Variants in CIAO2B observed in about 807,000 individuals in gnomAD.
CIAO2B encodes the protein cytosolic iron-sulfur assembly component 2B, also known as MSS19-interacting protein of 18 kDa.
Under a neutral mutation model 16.4 loss-of-function variants are expected in CIAO2B, and 20 were observed. The ratio of observed to expected loss-of-function variants is 1.22; its 90% CI spans 0.86 to 1.77. The LOEUF (loss-of-function observed/expected upper bound fraction) is 1.77. Among genes scored for constraint, CIAO2B ranks in the 40% most tolerant of loss-of-function variants. CIAO2B has a pLI of 0.00. For missense variants in CIAO2B, 215 were observed against 222.4 expected (o/e 0.97, Z 0.21); for synonymous variants, 106 against 90.4 (o/e 1.17, Z -0.98).
intron 2 of CIAO2B, 112 bp from the exon 3 acceptor site, chr16:66,933,851 C>G: frequency 6.5e-7 from 1 of 1,537,072 alleles, no homozygotes; most frequent in Non-Finnish European, 8.8e-7. Context: ...AGTTTCAACA[C>G]CCATAAAATA....
chr16:66,934,350 G>A lies in CIAO2B; in HGVS notation c.15C>T (p.Gly5=), dbSNP rs950590013. 2.6e-6 allele frequency: 4 copies of A among 1,565,550 alleles called. No homozygotes were observed. The highest frequency in any genetic ancestry group is 2.3e-5 in the East Asian group (1 of 43,110). ...TCTCCAGGAGGCCGCCGCCGACCCC[G>A]CCGCCGCCTACCATCGCGGAACCAC... MVGG[G]GVGGGLLENA... Residue 5 remains glycine, a synonymous_variant, in exon 1 of 5, where the codon GGC becomes GGT. Coordinates refer to ENST00000422424, the MANE Select transcript of CIAO2B (RefSeq NM_016062.4). This position sits in a 1 kb window ranked among gnomAD's most constrained non-coding sequence, Gnocchi z 4.1.
rs554566674 is a variant in CIAO2B at position 66,934,177 on chromosome 16, C to T, written c.142+46G>A. ...AGCTGCTCGATATCACTGCTCCCCCCACCGCAAGCCCCCGGAACCCGCCCG... is the reference window on the plus strand; with the variant it reads ...AGCTGCTCGATATCACTGCTCCCCCTACCGCAAGCCCCCGGAACCCGCCCG... On this transcript the variant is annotated intron_variant, in intron 1 of 4. Transcript: ENST00000422424. The surrounding 1 kb of genome is among the most constrained non-coding windows in gnomAD (Gnocchi z 4.1). 1.2e-6 allele frequency: 2 copies of T among 1,608,950 alleles called. No homozygotes were observed. The highest frequency in any genetic ancestry group is 4.5e-5 in the East Asian group (2 of 44,818).
intron 4 of CIAO2B, 110 bp downstream of exon 4, chr16:66,932,670 C>T (rs1963079250): frequency 3.0e-6 from 4 of 1,322,316 alleles, no homozygotes. Context: ...CAATTTCACT[C>T]ACACAGTTAC....
At position 66,934,176 on chromosome 16, in the gene CIAO2B, C is replaced by A. The variant is rs200532434; in HGVS notation, c.142+47G>T. On this transcript the variant is annotated intron_variant, in intron 1 of 4. Transcript: ENST00000422424. The surrounding 1 kb of genome is among the most constrained non-coding windows in gnomAD (Gnocchi z 4.1). Reference sequence around the variant, plus strand: ...CAGCTGCTCGATATCACTGCTCCCCCCACCGCAAGCCCCCGGAACCCGCCC... The same window carrying A: ...CAGCTGCTCGATATCACTGCTCCCCACACCGCAAGCCCCCGGAACCCGCCC... 1.9e-5 allele frequency: 31 copies of A among 1,608,868 alleles called. No homozygotes were observed. Among genetic ancestry groups the A allele is most frequent in the Non-Finnish European group, 2.4e-5 (28 of 1,177,822 alleles).
At chr16:66,932,656 C>G in intron 4 of CIAO2B, 124 bp downstream of exon 4, 1 of 1,182,134 alleles carries the variant, frequency 8.5e-7, no homozygotes, top group Non-Finnish European at 1.2e-6. Context: ...TGAGGAGTCT[C>G]TGGCAATTTC....
rs1963129739 is a variant in CIAO2B, at chr16:66,934,094, C to A, written c.143-28G>T. 1 of 1,612,584 alleles carries A rather than the reference C, an allele frequency of 6.2e-7. No homozygotes were observed. The highest frequency in any genetic ancestry group is 2.2e-5 in the East Asian group (1 of 44,868). ...GGGAAGTGAAGGAAAAGGGACTCTG[C>A]GCCCTTGCCCACTTAGAACCCTCTG... On this transcript the variant is annotated intron_variant, in intron 1 of 4. Transcript: ENST00000422424. This position sits in a 1 kb window ranked among gnomAD's most constrained non-coding sequence, Gnocchi z 4.1.
chr16:66,933,971 C>A lies in CIAO2B; in HGVS notation c.222+16G>T. The stretch of plus-strand genomic sequence containing the variant: ...TGACTCTCTGGAACAACTCGCTCCC[C>A]TCGGAAGTGACTCACCTGAACCCGC... On this transcript the variant is annotated intron_variant, in intron 2 of 4. Coordinates refer to ENST00000422424, the MANE Select transcript of CIAO2B (RefSeq NM_016062.4). 1 of 1,613,344 alleles carries A rather than the reference C, an allele frequency of 6.2e-7. No individual in the cohort carries two copies. The highest frequency in any genetic ancestry group is 1.1e-5 in the South Asian group (1 of 90,916).
chr16:66,933,329 GT>G, intron 3 of CIAO2B: 1 of 424,588 alleles, frequency 2.4e-6, no homozygotes, highest in Non-Finnish European at 4.3e-6. Flanking sequence ...GCCCACTACT[GT>G]TGATTTAAAG....
At position 66,934,142 on chromosome 16, in the gene CIAO2B, C is replaced by CGGCTCCACCA. The variant is rs1567544444; in HGVS notation, c.142+71_143-77dup. 3 of 1,610,214 alleles carry CGGCTCCACCA rather than the reference C, an allele frequency of 1.9e-6. No individual in the cohort carries two copies. In the African/African-American group the frequency reaches 4.0e-5, roughly 22 times the overall value. ...CTGCCAGGAACGCCCTGCTGGGATG[C>CGGCTCCACCA]GGCTCCACCAGCTGCTCGATATCAC... is the stretch of plus-strand genomic sequence containing the variant. On this transcript the variant is annotated intron_variant, in intron 1 of 4. Coordinates refer to ENST00000422424, the MANE Select transcript of CIAO2B (RefSeq NM_016062.4). This position sits in a 1 kb window ranked among gnomAD's most constrained non-coding sequence, Gnocchi z 4.1.
intron 4 of CIAO2B, 39 bp from the exon 5 acceptor site, chr16:66,932,339 G>T: frequency 6.4e-7 from 1 of 1,551,656 alleles, no homozygotes; most frequent in African/African-American, 1.4e-5. Flanking sequence ...CAGAGTCAAA[G>T]CTAGGCTCTG....
At chr16:66,932,858 AC>A (rs1244363900) in intron 3 of CIAO2B, 33 bp from the exon 4 acceptor site, 4 of 1,606,338 alleles carry the variant, frequency 2.5e-6, no homozygotes, top group African/African-American at 1.3e-5. Context: ...CTGAACACCC[AC>A]CCACCGACCC....
At position 66,932,260 on chromosome 16, in the gene CIAO2B, G is replaced by A. The variant is rs1036978065; in HGVS notation, c.435C>T (p.Ala145=). 1.9e-6 allele frequency: 3 copies of A among 1,613,824 alleles called. No homozygotes were observed. Among genetic ancestry groups the A allele is most frequent in the Non-Finnish European group, 2.5e-6 (3 of 1,179,848 alleles). ...QLADKERVAA[A]LENTHLLEVV... ...CCTCCAAGAGGTGGGTGTTCTCCAG[G>A]GCAGCTGCCACCCGCTCCTTATCTG... is the stretch of plus-strand genomic sequence containing the variant. The change falls in exon 5 of 5, where the codon GCC becomes GCT. Residue 145 remains alanine, a synonymous_variant. Coordinates refer to ENST00000422424, the MANE Select transcript of CIAO2B (RefSeq NM_016062.4).
intron 2 of CIAO2B, 123 bp downstream of exon 2, chr16:66,933,864 C>T: frequency 1.9e-6 from 3 of 1,538,600 alleles, no homozygotes; most frequent in Non-Finnish European, 2.6e-6. Context: ...ATAAAATAGG[C>T]ACAACAATCT....
At position 66,932,213 on chromosome 16, in the gene CIAO2B, G is replaced by C. The variant is rs750089403; in HGVS notation, c.482C>G (p.Ala161Gly). Residue 161 changes from alanine (A) to glycine (G), a missense_variant, in exon 5 of 5, where the codon GCC becomes GGC. Transcript: ENST00000422424. ...LLEVVNQCLSARS is the reference protein window; with the variant it reads ...LLEVVNQCLSGRS ...GGTCAAAGGCCAGGCTCAGGAGCGG[G>C]CTGACAGGCACTGATTCACAACCTC... is the stretch of plus-strand genomic sequence containing the variant. 2.5e-6 allele frequency: 4 copies of C among 1,612,986 alleles called. No individual in the cohort carries two copies. The East Asian group carries it at 8.9e-5, about 36-fold the overall frequency.
chr16:66,934,333 A>C lies in CIAO2B; in HGVS notation c.32T>G (p.Leu11Arg), dbSNP rs1366839114. 1.3e-6 allele frequency: 2 copies of C among 1,588,140 alleles called. No homozygotes were observed. The highest frequency in any genetic ancestry group is 1.8e-5 in the Admixed American group (1 of 56,582). MVGGGGVGGG[L>R]LENANPLIYQ... ...GATGAGGGGGTTGGCATTCTCCAGGAGGCCGCCGCCGACCCCGCCGCCGCC... is the reference window on the plus strand; with the variant it reads ...GATGAGGGGGTTGGCATTCTCCAGGCGGCCGCCGCCGACCCCGCCGCCGCC... The change falls in exon 1 of 5, where the codon CTC becomes CGC. Residue 11 changes from leucine to arginine, a missense_variant. Coordinates refer to ENST00000422424, the MANE Select transcript of CIAO2B (RefSeq NM_016062.4). The surrounding 1 kb of genome is among the most constrained non-coding windows in gnomAD (Gnocchi z 4.1).
At chr16:66,933,820 C>A in intron 2 of CIAO2B, 81 bp from the exon 3 acceptor site, 1 of 1,538,828 alleles carries the variant, frequency 6.5e-7, no homozygotes, top group South Asian at 1.2e-5. Context: ...TTGGGCAAAT[C>A]ATCCAACTTC....
intron 4 of CIAO2B, 200 bp downstream of exon 4, chr16:66,932,580 G>A (rs1439203621): frequency 4.0e-6 from 3 of 744,060 alleles, no homozygotes; most frequent in East Asian, 2.7e-5. Flanking sequence ...GGATTTGGGA[G>A]AAGAGGACAT....
At position 66,932,828 on chromosome 16, in the gene CIAO2B, G is replaced by C; in HGVS notation, c.349-3C>G. The stretch of plus-strand genomic sequence containing the variant: ...CCCGGAGTAATGTGCACGTCCATCT[G>C]GGAGGGAGATAACCAGGGCCTGAAC... On this transcript the variant is annotated splice_region_variant and splice_polypyrimidine_tract_variant and intron_variant, in intron 3 of 4. Transcript: ENST00000422424. 3 of 1,611,754 alleles carry C rather than the reference G, an allele frequency of 1.9e-6. No individual in the cohort carries two copies. Among genetic ancestry groups the C allele is most frequent in the African/African-American group, 1.3e-5 (1 of 74,900 alleles).
rs1412446985 is a variant in CIAO2B, at chr16:66,932,079, C to G, written c.*124G>C. Reference sequence around the variant, plus strand: ...ATGCTGGGAACTGAATATAAATTAACTTTATTACAAAAAGCAAAATGTTAG... The same window carrying G: ...ATGCTGGGAACTGAATATAAATTAAGTTTATTACAAAAAGCAAAATGTTAG... On this transcript the variant is annotated 3_prime_UTR_variant, in exon 5 of 5. Transcript: ENST00000422424. 1 of 676,012 alleles carries G rather than the reference C, an allele frequency of 1.5e-6. No homozygotes were observed. The highest frequency in any genetic ancestry group is 2.4e-6 in the Non-Finnish European group (1 of 410,780). The allele number at this position is 676,012 out of a possible 1,614,324, so 41.9% of individuals were successfully genotyped here.
Sources: gnomAD v4.1 joint callset for allele counts on GRCh38, gnomAD v4.1.1 for gene constraint, Gnocchi (gnomAD v3.1) non-coding constraint, MANE v1.5 for transcripts, NCBI Gene and HGNC (gene_info 2026-07-23, HGNC 2026-07-21) for gene names.